EEPD1: variants seen among roughly 807,000 people sequenced by gnomAD.
The protein encoded by EEPD1 is endonuclease/exonuclease/phosphatase family domain containing 1, also known as endonuclease/exonuclease/phosphatase family domain-containing protein 1.
A neutral mutation model predicts 46.3 loss-of-function variants in EEPD1; 17 were observed. That is an observed-to-expected ratio of 0.37 (90% CI 0.25 to 0.55). EEPD1 has a LOEUF of 0.55. EEPD1 is among the 20% of genes least tolerant of loss of function. EEPD1 has a pLI of 0.83. For missense variants in EEPD1, 673 were observed against 745.6 expected (o/e 0.90, Z 1.13); for synonymous variants, 313 against 315.6 (o/e 0.99, Z 0.09).
chr7:36,238,872 A>G (rs934903917), intron 2 of EEPD1, 113 bp from the exon 3 acceptor site: 2 of 961,054 alleles, frequency 2.1e-6, no homozygotes, highest in African/African-American at 3.4e-5. Flanking sequence ...ATGGCAGGTG[A>G]CATAGAAATG....
At chr7:36,251,964 T>G (rs1362514796) in intron 3 of EEPD1, among the ~76,000 whole-genome samples, 1 of 152,186 alleles carries the variant, frequency 6.6e-6, no homozygotes, top group Non-Finnish European at 1.5e-5. Context: ...TGATATGAAT[T>G]CAGGAGTGAG....
At chr7:36,229,167 G>C (rs949548404) in intron 2 of EEPD1, 2 of 152,514 alleles carry the variant, frequency 1.3e-5, no homozygotes, top group African/African-American at 4.8e-5. Context: ...ATTGCTGGAG[G>C]TGCTGGGGTT....
intron 2 of EEPD1, among the ~76,000 whole-genome samples, chr7:36,177,462 T>C (rs1047468205): frequency 2.6e-5 from 4 of 152,290 alleles, no homozygotes; most frequent in African/African-American, 9.6e-5. Flanking sequence ...TGTTCTCATC[T>C]TTATGTCCAT....
chr7:36,292,445 C>T (rs986082424), intron 6 of EEPD1, among the ~76,000 whole-genome samples: 18 of 148,930 alleles, frequency 1.2e-4, no homozygotes, highest in Non-Finnish European at 2.4e-4. Flanking sequence ...CTCTCTGTCT[C>T]TCCCTCCCTC....
rs929638 is a variant in EEPD1, at chr7:36,225,933, T to C, written c.879-13052T>C. Among the ~76,000 whole-genome samples the C allele has an allele frequency of 0.98, 149,243 of 152,276 alleles. 73,210 individuals carry two copies. Among genetic ancestry groups the C allele is most frequent in the East Asian group, 1 (5,180 of 5,180 alleles). ...AACATGCTCCTTTCTTTAAAATTCA[T>C]TTTAAAGACATGTCTTAGATGCTCA... On this transcript the variant is annotated intron_variant, in intron 2 of 7. Coordinates refer to ENST00000242108, the MANE Select transcript of EEPD1 (RefSeq NM_030636.3). The surrounding 1 kb of genome is among the most constrained non-coding windows in gnomAD (Gnocchi z 4.2).
At chr7:36,161,352 A>G (rs548228090) in intron 2 of EEPD1, among the ~76,000 whole-genome samples, 5 of 152,268 alleles carry the variant, frequency 3.3e-5, no homozygotes, top group African/African-American at 1.2e-4. Context: ...GCTTGCTAAG[A>G]GACCTGAGAG....
chr7:36,227,539 T>TA (rs1786250315), intron 2 of EEPD1, among the ~76,000 whole-genome samples: 1 of 152,092 alleles, frequency 6.6e-6, no homozygotes, highest in African/African-American at 2.4e-5. Context: ...TCTGAGCCAA[T>TA]AGAGGAGGAA....
chr7:36,178,746 C>T (rs1785225434), intron 2 of EEPD1, among the ~76,000 whole-genome samples: 3 of 152,204 alleles, frequency 2.0e-5, no homozygotes, highest in South Asian at 2.1e-4. Context: ...TCCTGCCCTG[C>T]ACTGGTGTGG....
At chr7:36,296,053 A>AAAAAAAAAAAG in intron 6 of EEPD1, among the ~76,000 whole-genome samples, 1 of 151,486 alleles carries the variant, frequency 6.6e-6, no homozygotes, top group Admixed American at 6.6e-5. Context: ...AAAAAAAAAA[A>AAAAAAAAAAAG]AATGAGATGC....
chr7:36,284,914 C>T (rs2115878332), intron 5 of EEPD1, 94 bp downstream of exon 5: 1 of 1,379,084 alleles, frequency 7.3e-7, no homozygotes, highest in Non-Finnish European at 9.4e-7. Flanking sequence ...TAAGAGAAGT[C>T]TCGTCTTTTT....
Position 36,154,855 on chromosome 7 carries a change from A to G in EEPD1, c.531A>G (p.Leu177=), listed in dbSNP as rs778136313. The G allele has an allele frequency of 1.7e-5, 28 of 1,614,038 alleles. No homozygotes were observed. The South Asian group carries it at 2.7e-4, about 16-fold the overall frequency. Residue 177 remains leucine, a synonymous_variant, in exon 2 of 8, where the codon CTA becomes CTG. Coordinates refer to ENST00000242108, the MANE Select transcript of EEPD1 (RefSeq NM_030636.3). The surrounding 1 kb of genome is among the most constrained non-coding windows in gnomAD (Gnocchi z 4.2). ...EHGPFRSVED[L]VRMDGINAAF... ...GGCCCTTTCGCAGCGTTGAGGACCT[A>G]GTGAGGATGGATGGTATCAATGCCG...
At chr7:36,221,991 C>T (rs1786152625) in intron 2 of EEPD1, among the ~76,000 whole-genome samples, 1 of 152,162 alleles carries the variant, frequency 6.6e-6, no homozygotes, top group East Asian at 1.9e-4. Context: ...ATTTTTAATA[C>T]ATTTATCATC....
intron 2 of EEPD1, among the ~76,000 whole-genome samples, chr7:36,214,797 T>C (rs530185948): frequency 1.3e-5 from 2 of 152,358 alleles, no homozygotes; most frequent in Admixed American, 1.3e-4. Flanking sequence ...TGGATGTTTC[T>C]TCCCGCCGCC....
At chr7:36,291,353 C>G (rs1787427670) in intron 6 of EEPD1, among the ~76,000 whole-genome samples, 1 of 152,208 alleles carries the variant, frequency 6.6e-6, no homozygotes, top group Admixed American at 6.5e-5. Context: ...GTCTTCCATC[C>G]TAGCCCTTTG....
At chr7:36,247,297 A>G (rs972075255) in intron 3 of EEPD1, among the ~76,000 whole-genome samples, 9 of 152,192 alleles carry the variant, frequency 5.9e-5, no homozygotes, top group Non-Finnish European at 1.0e-4. Context: ...CTAAGGATGC[A>G]AAGTGCTTGT....
chr7:36,286,261 G>A (rs543131335), intron 5 of EEPD1, among the ~76,000 whole-genome samples: 2 of 152,354 alleles, frequency 1.3e-5, no homozygotes, highest in South Asian at 4.1e-4. Context: ...AGGCCTGGCA[G>A]TTGGTGCAGT....
chr7:36,220,609 C>T (rs1332154193), intron 2 of EEPD1, among the ~76,000 whole-genome samples: 2 of 152,138 alleles, frequency 1.3e-5, no homozygotes, highest in Non-Finnish European at 2.9e-5. Context: ...ATTCATTTGG[C>T]CCCGTTGTCC....
intron 2 of EEPD1, among the ~76,000 whole-genome samples, chr7:36,223,332 T>C (rs952486520): frequency 6.6e-6 from 1 of 152,140 alleles, no homozygotes; most frequent in African/African-American, 2.4e-5. Context: ...AGCTCCACAC[T>C]GAGTCACACC....
Position 36,154,558 on chromosome 7 carries a change from G to A in EEPD1, c.234G>A (p.Glu78=). The change falls in exon 2 of 8, where the codon GAG becomes GAA. Residue 78 remains glutamate, a synonymous_variant. Coordinates refer to ENST00000242108, the MANE Select transcript of EEPD1 (RefSeq NM_030636.3). The surrounding 1 kb of genome is among the most constrained non-coding windows in gnomAD (Gnocchi z 4.2). ...ATATCGGTGGCTTCAAGAAGGTGGAGGACCTGGCATTGGTCAGTGGTGTAG... is the reference window on the plus strand; with the variant it reads ...ATATCGGTGGCTTCAAGAAGGTGGAAGACCTGGCATTGGTCAGTGGTGTAG... The part of the protein sequence containing the change: ...REYIGGFKKV[E]DLALVSGVGA... 1 of 1,614,174 alleles carries A rather than the reference G, an allele frequency of 6.2e-7. No individual in the cohort carries two copies. The highest frequency in any genetic ancestry group is 8.5e-7 in the Non-Finnish European group (1 of 1,180,032).
Sources: gnomAD v4.1 joint callset for allele counts (sites outside exome capture counted in the v4.1 genomes callset) on GRCh38, gnomAD v4.1.1 for gene constraint, Gnocchi (gnomAD v3.1) non-coding constraint, MANE v1.5 for transcripts, NCBI Gene and HGNC (gene_info 2026-07-23, HGNC 2026-07-21) for gene names.